Variants in SPATA6L observed in about 807,000 individuals in gnomAD.
The protein encoded by SPATA6L is spermatogenesis associated 6 like.
A neutral mutation model predicts 49.2 loss-of-function variants in SPATA6L; 68 were observed. The ratio of observed to expected loss-of-function variants is 1.38; its 90% CI spans 1.14 to 1.69. The LOEUF (loss-of-function observed/expected upper bound fraction) is 1.69, where lower values mean the gene tolerates loss of function less well. Ranked by LOEUF, SPATA6L falls within the 40% of genes most tolerant of loss-of-function variation. The pLI is 0.00. For synonymous variants in SPATA6L, 198 were observed against 165.7 expected (o/e 1.19, Z -1.50); for missense variants, 668 against 464.3 (o/e 1.44, Z -4.03).
At chr9:4,622,288 A>AT in intron 7 of SPATA6L, 120 bp downstream of exon 7, 1 of 657,798 alleles carries the variant, frequency 1.5e-6, no homozygotes, top group Non-Finnish European at 2.7e-6. Flanking sequence ...GCTGGAGAGT[A>AT]CTTGAGAATT....
intron 1 of SPATA6L, 125 bp downstream of exon 1, chr9:4,666,087 C>G: frequency 1.2e-6 from 1 of 868,884 alleles, no homozygotes; most frequent in Non-Finnish European, 1.9e-6. Flanking sequence ...AAGGTGCGAT[C>G]TGTCCCAGAA....
rs1035146574 is a variant in SPATA6L at position 4,662,179 on chromosome 9, C to G, written c.40-143G>C. On this transcript the variant is annotated intron_variant, in intron 1 of 11. Coordinates refer to ENST00000682582, the MANE Select transcript of SPATA6L (RefSeq NM_001353486.2). The surrounding 1 kb of genome is among the most constrained non-coding windows in gnomAD (Gnocchi z 4.9). ...ACTCCCTCACCTGTACCTCCCAACG[C>G]CAACATCCTCCCCTCTGCTCTCCTC... 1 of 1,449,530 alleles carries G rather than the reference C, an allele frequency of 6.9e-7. No individual in the cohort carries two copies. The highest frequency in any genetic ancestry group is 2.7e-5 in the Admixed American group (1 of 37,538). The allele number at this position is 1,449,530 out of a possible 1,614,324, so 89.8% of individuals were successfully genotyped here.
intron 5 of SPATA6L, chr9:4,626,378 G>A: frequency 7.7e-7 from 1 of 1,292,290 alleles, no homozygotes; most frequent in Non-Finnish European, 1.0e-6. Context: ...CCAGCAGTGA[G>A]CAGTGCCCCT....
In SPATA6L at chr9:4,600,622, A is replaced by G. The variant is rs554576142; in HGVS notation, c.*189T>C. On this transcript the variant is annotated 3_prime_UTR_variant, in exon 12 of 12. Coordinates refer to ENST00000682582, the MANE Select transcript of SPATA6L (RefSeq NM_001353486.2). Reference sequence around the variant, plus strand: ...CTTGACAAGAAAATGTTAGCCCCCAAACAGCAAACACTTTAATCAACAACT... The same window carrying G: ...CTTGACAAGAAAATGTTAGCCCCCAGACAGCAAACACTTTAATCAACAACT... The G allele has an allele frequency of 2.6e-5, 4 of 152,184 alleles. No individual in the cohort carries two copies. The allele number at this position is 152,184 out of a possible 1,614,324, so 9.4% of individuals were successfully genotyped here. A position where few individuals can be genotyped will look rare whatever the true frequency, so the allele number is the denominator to read the frequency against.
chr9:4,602,041 G>T (rs1386052116), intron 11 of SPATA6L, among the ~76,000 whole-genome samples: 3 of 152,144 alleles, frequency 2.0e-5, no homozygotes, highest in Admixed American at 6.5e-5. Flanking sequence ...AGGGAGGATG[G>T]TATGGAGACT....
At chr9:4,660,538 C>T (rs1027026549) in intron 2 of SPATA6L, among the ~76,000 whole-genome samples, 107 of 152,282 alleles carry the variant, frequency 7.0e-4, no homozygotes, top group African/African-American at 2.2e-3. Flanking sequence ...ACAACAGGTG[C>T]TGGAGAGAAT....
chr9:4,605,340 G>C lies in SPATA6L; in HGVS notation c.1089+7C>G, dbSNP rs776558526. On this transcript the variant is annotated splice_region_variant and intron_variant, in intron 10 of 11. Coordinates refer to ENST00000682582, the MANE Select transcript of SPATA6L (RefSeq NM_001353486.2). The stretch of plus-strand genomic sequence containing the variant: ...AGCAAAGATCTAGTTTTATAAGAAA[G>C]TCTAACCTTGTTTTGGTGCAGCTGT... The C allele has an allele frequency of 3.7e-6, 6 of 1,609,202 alleles. No homozygotes were observed. The highest frequency in any genetic ancestry group is 2.2e-5 in the East Asian group (1 of 44,866).
intron 2 of SPATA6L, among the ~76,000 whole-genome samples, chr9:4,661,529 T>C (rs570061281): frequency 6.6e-6 from 1 of 152,276 alleles, no homozygotes; most frequent in South Asian, 2.1e-4. Flanking sequence ...GCTATTTTTC[T>C]TGGTCTAACA....
At chr9:4,660,584 G>A (rs937972736) in intron 2 of SPATA6L, among the ~76,000 whole-genome samples, 12 of 152,226 alleles carry the variant, frequency 7.9e-5, no homozygotes, top group African/African-American at 2.9e-4. Flanking sequence ...CTGTTGGTGG[G>A]ACAGTAAACT....
rs301458 is a variant in SPATA6L at position 4,606,556 on chromosome 9, C to T, written c.996-1116G>A. 1.2e-4 allele frequency among the ~76,000 whole-genome samples: 4 copies of T among 33,578 alleles called. 1 individual carries two copies. The highest frequency in any genetic ancestry group is 1.5e-4 in the Non-Finnish European group (2 of 13,632). The allele number at this position is 33,578 out of a possible 152,430, so 22.0% of individuals were successfully genotyped here. On this transcript the variant is annotated intron_variant, in intron 9 of 11. Transcript: ENST00000682582. ...GGGGCACACTGACACCTCACACGGCCGGGTACTCCAACAGACCTGCAGCTG... is the reference window on the plus strand; with the variant it reads ...GGGGCACACTGACACCTCACACGGCTGGGTACTCCAACAGACCTGCAGCTG...
chr9:4,614,822 A>G (rs1827583981), intron 9 of SPATA6L, among the ~76,000 whole-genome samples: 1 of 152,230 alleles, frequency 6.6e-6, no homozygotes. Context: ...TTACCAGTTT[A>G]GAGAGACTTT....
chr9:4,651,881 A>C (rs778672620), intron 3 of SPATA6L, among the ~76,000 whole-genome samples: 11 of 152,190 alleles, frequency 7.2e-5, no homozygotes, highest in African/African-American at 1.2e-4. Context: ...TTTCCCTACT[A>C]TCAGGAAATA....
chr9:4,612,216 C>T lies in SPATA6L; in HGVS notation c.995+5707G>A, dbSNP rs114676180. Reference sequence around the variant, plus strand: ...TCTCAAACTTTTGTACTCAGTGATCCTCCTGCCTCAGCCTCCCAAAGTGCT... The same window carrying T: ...TCTCAAACTTTTGTACTCAGTGATCTTCCTGCCTCAGCCTCCCAAAGTGCT... On this transcript the variant is annotated intron_variant, in intron 9 of 11. Transcript: ENST00000682582. Among the ~76,000 whole-genome samples, 790 of 152,196 alleles carry T rather than the reference C, an allele frequency of 5.2e-3. 9 individuals carry two copies. Among genetic ancestry groups the T allele is most frequent in the African/African-American group, 0.018 (755 of 41,506 alleles).
In SPATA6L at chr9:4,599,301, C is replaced by T. The variant is rs970511246; in HGVS notation, c.*1510G>A. ...GATTGGGAGGTTCAACTTGGATATA[C>T]CTTTATTTGGCTGAAATTCTAAGAA... On this transcript the variant is annotated 3_prime_UTR_variant, in exon 12 of 12. Transcript: ENST00000682582. Among the ~76,000 whole-genome samples, 9 of 152,082 alleles carry T rather than the reference C, an allele frequency of 5.9e-5. No individual in the cohort carries two copies. The highest frequency in any genetic ancestry group is 2.1e-4 in the South Asian group (1 of 4,822).
chr9:4,642,412 C>T (rs9696454), intron 3 of SPATA6L, among the ~76,000 whole-genome samples: 2,237 of 152,270 alleles, frequency 0.015, 55 homozygotes, highest in African/African-American at 0.052. Context: ...CAGGAGGCAC[C>T]TGCTCAGTTC....
intron 3 of SPATA6L, among the ~76,000 whole-genome samples, chr9:4,635,811 A>G (rs781055860): frequency 6.6e-6 from 1 of 152,198 alleles, no homozygotes; most frequent in Admixed American, 6.5e-5. Flanking sequence ...TCTGTGATGC[A>G]TGGATGCCAA....
chr9:4,605,500 C>T, intron 9 of SPATA6L, 60 bp from the exon 10 acceptor site: 7 of 1,169,450 alleles, frequency 6.0e-6, no homozygotes, highest in South Asian at 1.2e-5. Context: ...ACACTTAAAG[C>T]ACATGACGGT....
At chr9:4,656,786 C>G (rs1007514404) in intron 2 of SPATA6L, among the ~76,000 whole-genome samples, 4 of 152,130 alleles carry the variant, frequency 2.6e-5, no homozygotes, top group African/African-American at 9.7e-5. Flanking sequence ...TGTTTGACTA[C>G]CTAGAAAAAC....
At chr9:4,659,392 A>G (rs1839065218) in intron 2 of SPATA6L, among the ~76,000 whole-genome samples, 1 of 151,958 alleles carries the variant, frequency 6.6e-6, no homozygotes. Flanking sequence ...ACAGACAAAC[A>G]GAGAGCGAAA....
Sources: allele counts gnomAD v4.1 joint callset (sites outside exome capture counted in the v4.1 genomes callset), GRCh38; gene constraint gnomAD v4.1.1; non-coding constraint Gnocchi (gnomAD v3.1); transcripts MANE v1.5; gene names NCBI Gene and HGNC (gene_info 2026-07-23, HGNC 2026-07-21).